ZNF875: variants seen among roughly 807,000 people sequenced by gnomAD.
The protein encoded by ZNF875 is HKR1, GLI-Kruppel zinc finger family member.
Under a neutral mutation model 11.2 loss-of-function variants are expected in ZNF875, and 14 were observed. That is an observed-to-expected ratio of 1.26 (90% confidence interval 0.83 to 1.96). ZNF875 has a LOEUF of 1.96. ZNF875 is among the 30% of genes most tolerant of loss of function. The pLI, the probability that ZNF875 is intolerant of heterozygous loss-of-function variation, is 0.00. For synonymous variants in ZNF875, 301 were observed against 281.1 expected, an observed-to-expected ratio of 1.07 and a Z score of -0.71; for missense variants, 752 against 760.4, an observed-to-expected ratio of 0.99 and a Z score of 0.13.
rs2034584667 is a variant in ZNF875, at chr19:37,336,947, AG to A, written c.33+1691del. Reference sequence around the variant, plus strand: ...AATAAATATACATATGTTAAGATACAGACTATCTATTCACACATAGAACAAG... The same window carrying A: ...AATAAATATACATATGTTAAGATACAACTATCTATTCACACATAGAACAAG... On this transcript the variant is annotated intron_variant, in intron 2 of 4. Transcript: ENST00000392153. Among the ~76,000 whole-genome samples, 3 of 152,172 alleles carry A rather than the reference AG, an allele frequency of 2.0e-5. No homozygotes were observed. In the South Asian group the frequency reaches 6.2e-4, roughly 32 times the overall value.
intron 4 of ZNF875, among the ~76,000 whole-genome samples, chr19:37,352,355 T>C (rs1323021948): frequency 6.6e-6 from 1 of 152,024 alleles, no homozygotes; most frequent in Admixed American, 6.6e-5. Flanking sequence ...ATTCTCCTGC[T>C]TCAGCCTCCT....
intron 3 of ZNF875, 36 bp downstream of exon 3, chr19:37,347,352 C>T (rs1355655872): frequency 1.9e-6 from 3 of 1,587,188 alleles, no homozygotes; most frequent in Admixed American, 3.5e-5. Context: ...AAAATCTGCC[C>T]TACAGAGTAT....
Position 37,329,273 on chromosome 19 carries a change from G to A in ZNF875, c.-603+5008G>A, listed in dbSNP as rs1259970588. On this transcript the variant is annotated intron_variant, in intron 4 of 5. Coordinates refer to the ZNF875 transcript ENST00000544914. ...GTCTTTCAGAGCCTCGCACCACCCAGCTTGGGTATCTGGTGAATTCTGTGG... is the reference window on the plus strand; with the variant it reads ...GTCTTTCAGAGCCTCGCACCACCCAACTTGGGTATCTGGTGAATTCTGTGG... 3.9e-5 allele frequency among the ~76,000 whole-genome samples: 6 copies of A among 152,138 alleles called. No homozygotes were observed. The East Asian group carries it at 7.7e-4, about 20-fold the overall frequency.
chr19:37,328,945 A>G (rs1568569709), intron 4 of ZNF875: 2 of 152,196 alleles, frequency 1.3e-5, no homozygotes, highest in African/African-American at 4.8e-5. Flanking sequence ...CCTTGGACCA[A>G]TAGTATCAGT....
At chr19:37,326,698 C>T (rs1599886596) in intron 4 of ZNF875, among the ~76,000 whole-genome samples, 1 of 104,670 alleles carries the variant, frequency 9.6e-6, no homozygotes, top group African/African-American at 3.7e-5. Flanking sequence ...GTTGTAGTCT[C>T]GCTCTGTCGC....
intron 4 of ZNF875, among the ~76,000 whole-genome samples, chr19:37,327,170 T>C (rs2032606507): frequency 6.6e-6 from 1 of 151,798 alleles, no homozygotes; most frequent in South Asian, 2.1e-4. Context: ...TTTTTGTATT[T>C]TTAGTAGAGA....
upstream of ZNF875, chr19:37,315,336 C>T (rs1228142373): frequency 1.3e-5 from 2 of 152,152 alleles, no homozygotes; most frequent in Non-Finnish European, 2.9e-5. Flanking sequence ...TAAAATCCTC[C>T]GTTTTCACCA....
At chr19:37,340,949 T>A (rs189416726) in intron 2 of ZNF875, among the ~76,000 whole-genome samples, 1 of 152,298 alleles carries the variant, frequency 6.6e-6, no homozygotes, top group African/African-American at 2.4e-5. Flanking sequence ...CGTCTGGCCT[T>A]GTGTACTTTT....
In ZNF875 at chr19:37,335,313, TTTC is replaced by T. The variant is rs757982176; in HGVS notation, c.33+59_33+61del. ...GTCAACAGAATGGGTCCCATTACCTTTTCTTGTCCTGGAGGCTGCCTTGTTGGT... is the reference window on the plus strand; with the variant it reads ...GTCAACAGAATGGGTCCCATTACCTTTTGTCCTGGAGGCTGCCTTGTTGGT... On this transcript the variant is annotated intron_variant, in intron 2 of 4. Transcript: ENST00000392153. 22 of 667,036 alleles carry T rather than the reference TTTC, an allele frequency of 3.3e-5. No homozygotes were observed. The East Asian group carries it at 3.6e-4, about 11-fold the overall frequency. The allele number at this position is 667,036 out of a possible 1,614,324, so 41.3% of individuals were successfully genotyped here.
upstream of ZNF875, chr19:37,314,939 C>G (rs531091812): frequency 6.6e-6 from 1 of 151,946 alleles, no homozygotes; most frequent in Non-Finnish European, 1.5e-5. Context: ...GTGTAAAATT[C>G]AACGGTTTTC....
intron 2 of ZNF875, among the ~76,000 whole-genome samples, chr19:37,335,855 C>T (rs555015813): frequency 6.6e-6 from 1 of 152,256 alleles, no homozygotes; most frequent in African/African-American, 2.4e-5. Context: ...TGGTCACAAT[C>T]CCTTTGGTCT....
upstream of ZNF875, among the ~76,000 whole-genome samples, chr19:37,314,286 TA>T (rs1279154596): frequency 3.9e-4 from 60 of 152,150 alleles, no homozygotes; most frequent in African/African-American, 6.0e-4. Context: ...TAATTATTAT[TA>T]TTTTTTTTAT....
At chr19:37,350,589 A>G (rs979574104) in intron 4 of ZNF875, among the ~76,000 whole-genome samples, 2 of 150,122 alleles carry the variant, frequency 1.3e-5, no homozygotes, top group African/African-American at 2.5e-5. Context: ...TTCAGATTTC[A>G]TCAGTTTTTG....
chr19:37,332,368 C>G (rs2033536458), upstream of ZNF875, among the ~76,000 whole-genome samples: 1 of 152,104 alleles, frequency 6.6e-6, no homozygotes, highest in Non-Finnish European at 1.5e-5. Context: ...CAACCCACCC[C>G]TACACGCCCA....
At chr19:37,345,907 A>G (rs2036669763) in intron 2 of ZNF875, among the ~76,000 whole-genome samples, 1 of 152,154 alleles carries the variant, frequency 6.6e-6, no homozygotes, top group South Asian at 2.1e-4. Flanking sequence ...CCCATCCTCC[A>G]AAGTACAGCT....
chr19:37,344,687 G>C, intron 2 of ZNF875: 1 of 1,613,816 alleles, frequency 6.2e-7, no homozygotes, highest in Non-Finnish European at 8.5e-7. Flanking sequence ...AGTGAATCAT[G>C]AGGGTCAACC....
intron 4 of ZNF875, chr19:37,358,168 G>A (rs1369515683): frequency 4.6e-5 from 15 of 327,074 alleles, no homozygotes; most frequent in South Asian, 1.7e-4. Flanking sequence ...TGTTTGAGAC[G>A]GAGTCTTGCT....
chr19:37,343,682 C>T (rs571815025), intron 2 of ZNF875, among the ~76,000 whole-genome samples: 1 of 152,182 alleles, frequency 6.6e-6, no homozygotes, highest in East Asian at 1.9e-4. Context: ...AACTCAGATG[C>T]CTCTCAAACA....
Position 37,364,026 on chromosome 19 carries a change from C to T in ZNF875, c.*251C>T, listed in dbSNP as rs766534410. 1.2e-4 allele frequency: 57 copies of T among 478,386 alleles called. No individual in the cohort carries two copies. The highest frequency in any genetic ancestry group is 7.1e-5 in the Non-Finnish European group (19 of 267,124). The allele number at this position is 478,386 out of a possible 1,614,324, so 29.6% of individuals were successfully genotyped here. A position where few individuals can be genotyped will look rare whatever the true frequency, so the allele number is the denominator to read the frequency against. On this transcript the variant is annotated 3_prime_UTR_variant, in exon 5 of 5. Coordinates refer to ENST00000392153, the MANE Select transcript of ZNF875 (RefSeq NM_001353803.2). ...CTGTGGATGGTGGGTTGTGGAAACCCGGTCAGGTAATGATAGTGGCAGGAG... is the reference window on the plus strand; with the variant it reads ...CTGTGGATGGTGGGTTGTGGAAACCTGGTCAGGTAATGATAGTGGCAGGAG...
Sources: allele counts gnomAD v4.1 joint callset (sites outside exome capture counted in the v4.1 genomes callset), GRCh38; gene constraint gnomAD v4.1.1; transcripts MANE v1.5; gene names NCBI Gene and HGNC (gene_info 2026-07-23, HGNC 2026-07-21).